Variants in NPAS3 observed in about 807,000 individuals in gnomAD.
NPAS3 encodes the protein neuronal PAS domain-containing protein 3.
A neutral mutation model predicts 73.1 loss-of-function variants in NPAS3; 14 were observed. The observed-to-expected ratio is 0.19, with a 90% CI of 0.13 to 0.30. The LOEUF is 0.30. Ranked by LOEUF, NPAS3 falls within the 10% of genes least tolerant of loss-of-function variation. The pLI is 1.00. For synonymous variants in NPAS3, 620 were observed against 541.5 expected (o/e 1.14, Z -2.01); for missense variants, 1,096 against 1,250.0 (o/e 0.88, Z 1.86).
At chr14:33,328,931 A>T (rs1294421008) in intron 3 of NPAS3, among the ~76,000 whole-genome samples, 4 of 152,110 alleles carry the variant, frequency 2.6e-5, no homozygotes, top group Non-Finnish European at 5.9e-5. Flanking sequence ...ATTGTTTGAG[A>T]TATCTTATTT....
intron 3 of NPAS3, among the ~76,000 whole-genome samples, chr14:33,321,368 C>T (rs2140237636): frequency 6.6e-6 from 1 of 152,150 alleles, no homozygotes; most frequent in South Asian, 2.1e-4. Context: ...TAGGGTGTTC[C>T]AGGTTATCTT....
intron 2 of NPAS3, among the ~76,000 whole-genome samples, chr14:33,163,636 T>C (rs971253560): frequency 5.3e-4 from 81 of 151,692 alleles, no homozygotes; most frequent in East Asian, 9.7e-4. Flanking sequence ...TTTTTTTTTT[T>C]TTTTTTTCAA....
At chr14:33,388,619 C>T (rs897476395) in intron 4 of NPAS3, among the ~76,000 whole-genome samples, 1 of 151,842 alleles carries the variant, frequency 6.6e-6, no homozygotes, top group Non-Finnish European at 1.5e-5. Context: ...TCGAGCTGGG[C>T]GTTCTAGTGA....
chr14:33,567,298 G>T (rs1477491771), intron 5 of NPAS3, among the ~76,000 whole-genome samples: 3 of 152,172 alleles, frequency 2.0e-5, no homozygotes, highest in African/African-American at 7.2e-5. Context: ...GTGCTTCCTT[G>T]CTTTTGACAA....
At chr14:33,366,163 G>T (rs1186748852) in intron 3 of NPAS3, among the ~76,000 whole-genome samples, 3 of 151,932 alleles carry the variant, frequency 2.0e-5, no homozygotes, top group East Asian at 3.9e-4. Context: ...CTATAAATTT[G>T]TTCTGACCAC....
chr14:33,581,017 C>G (rs943970096), intron 5 of NPAS3, among the ~76,000 whole-genome samples: 5 of 152,200 alleles, frequency 3.3e-5, no homozygotes, highest in African/African-American at 9.7e-5. Flanking sequence ...TGTTTCTACA[C>G]AGATGGCTAT....
At chr14:33,468,181 G>A (rs2050619687) in intron 4 of NPAS3, among the ~76,000 whole-genome samples, 2 of 152,198 alleles carry the variant, frequency 1.3e-5, no homozygotes, top group Admixed American at 6.5e-5. Flanking sequence ...GCTGTTGAAT[G>A]TACATAAAAT....
intron 2 of NPAS3, among the ~76,000 whole-genome samples, chr14:33,197,392 G>A (rs2046406722): frequency 6.6e-6 from 1 of 152,022 alleles, no homozygotes; most frequent in Admixed American, 6.5e-5. Flanking sequence ...TGACTAGAAT[G>A]GTGCCATTCT....
intron 1 of NPAS3, among the ~76,000 whole-genome samples, chr14:32,996,264 C>A (rs1232256282): frequency 6.6e-6 from 1 of 152,086 alleles, no homozygotes; most frequent in Non-Finnish European, 1.5e-5. Flanking sequence ...CTTTTAAATG[C>A]ATTCAGTTTT....
At chr14:33,574,382 G>A (rs919443213) in intron 5 of NPAS3, among the ~76,000 whole-genome samples, 1 of 152,094 alleles carries the variant, frequency 6.6e-6, no homozygotes, top group African/African-American at 2.4e-5. Flanking sequence ...TCAAGTGTCC[G>A]AAAGCTAAAA....
chr14:33,361,184 G>C (rs565090107), intron 3 of NPAS3, among the ~76,000 whole-genome samples: 1 of 152,310 alleles, frequency 6.6e-6, no homozygotes, highest in South Asian at 2.1e-4. Context: ...GTGGGTAGGC[G>C]AAGTGAATCT....
At chr14:33,372,521 A>G (rs1310271859) in intron 4 of NPAS3, among the ~76,000 whole-genome samples, 1 of 152,202 alleles carries the variant, frequency 6.6e-6, no homozygotes, top group African/African-American at 2.4e-5. Flanking sequence ...AGGCAGGGCC[A>G]AGGCCCAGGC....
At chr14:33,706,306 C>T (rs1483518498) in intron 6 of NPAS3, among the ~76,000 whole-genome samples, 1 of 152,200 alleles carries the variant, frequency 6.6e-6, no homozygotes, top group African/African-American at 2.4e-5. Flanking sequence ...ACTGGGTGTT[C>T]ACCACATGCC....
At chr14:33,598,385 C>T (rs931743431) in intron 5 of NPAS3, among the ~76,000 whole-genome samples, 2 of 152,184 alleles carry the variant, frequency 1.3e-5, no homozygotes, top group African/African-American at 4.8e-5. Context: ...TTTGGTTTCA[C>T]ATAATGGTGA....
At chr14:33,320,529 T>G (rs975702740) in intron 3 of NPAS3, among the ~76,000 whole-genome samples, 7 of 152,146 alleles carry the variant, frequency 4.6e-5, no homozygotes, top group African/African-American at 1.7e-4. Context: ...ATTGCTCTTG[T>G]TCAGGTCGTG....
At chr14:33,752,575 A>G (rs949112862) in intron 7 of NPAS3, among the ~76,000 whole-genome samples, 2 of 152,172 alleles carry the variant, frequency 1.3e-5, no homozygotes, top group Non-Finnish European at 2.9e-5. Context: ...AACATGCATT[A>G]TGGGTTGTTT....
At chr14:32,995,667 T>C (rs2038538637) in intron 1 of NPAS3, among the ~76,000 whole-genome samples, 2 of 152,238 alleles carry the variant, frequency 1.3e-5, no homozygotes, top group African/African-American at 4.8e-5. Flanking sequence ...AGTGGGAGTT[T>C]CTCTGTACAG....
At chr14:33,643,375 T>TAAAAAAA (rs755879056) in intron 5 of NPAS3, among the ~76,000 whole-genome samples, 6 of 94,624 alleles carry the variant, frequency 6.3e-5, no homozygotes, top group Non-Finnish European at 1.0e-4. Flanking sequence ...AAATAAAAAT[T>TAAAAAAA]AAAAAAAAAA....
intron 10 of NPAS3, among the ~76,000 whole-genome samples, chr14:33,796,334 C>G (rs917724194): frequency 6.6e-6 from 1 of 152,150 alleles, no homozygotes; most frequent in African/African-American, 2.4e-5. Context: ...TATTCAGAGA[C>G]AGAGTCCACC....
Sources: allele counts gnomAD v4.1 joint callset (sites outside exome capture counted in the v4.1 genomes callset), GRCh38; gene constraint gnomAD v4.1.1; transcripts MANE v1.5; gene names NCBI Gene and HGNC (gene_info 2026-07-23, HGNC 2026-07-21).